NOL4: variants seen among roughly 807,000 people sequenced by gnomAD.
The protein encoded by NOL4 is cancer/testis antigen 125.
NOL4 carries 17 observed loss-of-function variants against 75.9 expected under a neutral mutation model. The ratio of observed to expected loss-of-function variants is 0.22; its 90% CI spans 0.15 to 0.34. NOL4 has a LOEUF of 0.34. Ranked by LOEUF, NOL4 falls within the 10% of genes least tolerant of loss-of-function variation. The probability of loss-of-function intolerance (pLI) is 1.00; values close to 1 mark genes in which losing one functional copy is unlikely to be tolerated. For synonymous variants in NOL4, 292 were observed against 289.9 expected, an observed-to-expected ratio of 1.01 and a Z score of -0.07; for missense variants, 614 against 793.5, an observed-to-expected ratio of 0.77 and a Z score of 2.72.
chr18:33,973,288 C>T (rs2071225166), intron 6 of NOL4, among the ~76,000 whole-genome samples: 2 of 152,230 alleles, frequency 1.3e-5, no homozygotes, highest in South Asian at 4.2e-4. Context: ...CATAAGATTG[C>T]AGCAATTCAG....
intron 5 of NOL4, among the ~76,000 whole-genome samples, chr18:34,037,040 C>CA (rs1393957907): frequency 6.6e-6 from 1 of 152,010 alleles, no homozygotes; most frequent in South Asian, 2.1e-4. Flanking sequence ...AAGATTCCAC[C>CA]AAAAAACTCT....
At chr18:34,172,869 T>C (rs1267271187) in intron 1 of NOL4, among the ~76,000 whole-genome samples, 1 of 152,102 alleles carries the variant, frequency 6.6e-6, no homozygotes, top group African/African-American at 2.4e-5. Context: ...TTGTTTAGAC[T>C]TTTTGCTGTT....
intron 6 of NOL4, among the ~76,000 whole-genome samples, chr18:34,016,949 C>T (rs566372529): frequency 6.6e-5 from 10 of 152,160 alleles, no homozygotes; most frequent in Non-Finnish European, 1.3e-4. Flanking sequence ...CATGTTCTTC[C>T]TCAATGCCAT....
In NOL4 at chr18:33,934,750, G is replaced by A. The variant is rs146006416; in HGVS notation, c.1542+8315C>T. Among the ~76,000 whole-genome samples, 490 of 152,150 alleles carry A rather than the reference G, an allele frequency of 3.2e-3. 5 individuals are homozygous for A. Among genetic ancestry groups the A allele is most frequent in the African/African-American group, 0.011 (462 of 41,520 alleles). ...GGATCTTGCTCTGGATTAGGATTTGGTGTAAGGGAATGTGGCTGGTTTGAT... is the reference window on the plus strand; with the variant it reads ...GGATCTTGCTCTGGATTAGGATTTGATGTAAGGGAATGTGGCTGGTTTGAT... On this transcript the variant is annotated intron_variant, in intron 9 of 10. Coordinates refer to ENST00000261592, the MANE Select transcript of NOL4 (RefSeq NM_003787.5).
At chr18:34,106,873 C>G (rs1215821346) in intron 2 of NOL4, among the ~76,000 whole-genome samples, 1 of 151,876 alleles carries the variant, frequency 6.6e-6, no homozygotes, top group Non-Finnish European at 1.5e-5. Context: ...ATGCTTCATC[C>G]TTATATTTTA....
chr18:33,942,502 T>C (rs995581011), intron 9 of NOL4, among the ~76,000 whole-genome samples: 3 of 151,806 alleles, frequency 2.0e-5, no homozygotes, highest in South Asian at 2.1e-4. Context: ...AAAAAAGATA[T>C]TGAAACATGA....
chr18:34,127,325 G>T (rs1218499318), intron 2 of NOL4, among the ~76,000 whole-genome samples: 1 of 151,788 alleles, frequency 6.6e-6, no homozygotes, highest in African/African-American at 2.4e-5. Flanking sequence ...ATGACCACTA[G>T]ATCTATTGAT....
chr18:34,134,826 C>CAAATATAAAG (rs1215979734), intron 1 of NOL4, among the ~76,000 whole-genome samples: 1 of 151,868 alleles, frequency 6.6e-6, no homozygotes, highest in African/African-American at 2.4e-5. Flanking sequence ...GGGAAAACTA[C>CAAATATAAAG]AAATATAAAG....
intron 5 of NOL4, among the ~76,000 whole-genome samples, chr18:34,088,269 T>A (rs902337729): frequency 2.0e-5 from 3 of 152,092 alleles, no homozygotes; most frequent in Non-Finnish European, 4.4e-5. Context: ...TTGCCAGATA[T>A]TTTTTAAAAA....
intron 5 of NOL4, among the ~76,000 whole-genome samples, chr18:34,060,408 T>G (rs1462519885): frequency 6.6e-6 from 1 of 152,106 alleles, no homozygotes; most frequent in Non-Finnish European, 1.5e-5. Flanking sequence ...ATCAACTGGC[T>G]TAACTTATTT....
chr18:34,047,671 A>G (rs1458283023), intron 5 of NOL4, among the ~76,000 whole-genome samples: 4 of 152,170 alleles, frequency 2.6e-5, no homozygotes, highest in African/African-American at 7.2e-5. Flanking sequence ...TCAAATATTT[A>G]AAATTCATAC....
intron 9 of NOL4, among the ~76,000 whole-genome samples, chr18:33,899,508 C>T (rs1488307378): frequency 6.6e-6 from 1 of 152,176 alleles, no homozygotes; most frequent in Non-Finnish European, 1.5e-5. Context: ...TCCTGGCCAG[C>T]TGGCCCCAGC....
At chr18:33,951,155 T>C (rs1469604084) in intron 8 of NOL4, among the ~76,000 whole-genome samples, 2 of 152,140 alleles carry the variant, frequency 1.3e-5, no homozygotes, top group African/African-American at 4.8e-5. Flanking sequence ...TCCTTTTGGA[T>C]TCAGTTTCCT....
At chr18:34,072,369 C>A (rs2077560986) in intron 5 of NOL4, among the ~76,000 whole-genome samples, 1 of 152,052 alleles carries the variant, frequency 6.6e-6, no homozygotes, top group African/African-American at 2.4e-5. Flanking sequence ...CAGGGACATC[C>A]CATAAAGACC....
At chr18:34,186,498 T>C (rs2034471442) in intron 1 of NOL4, among the ~76,000 whole-genome samples, 1 of 152,204 alleles carries the variant, frequency 6.6e-6, no homozygotes, top group Non-Finnish European at 1.5e-5. Flanking sequence ...TCAAACATTC[T>C]AGCTGTAAAA....
intron 2 of NOL4, among the ~76,000 whole-genome samples, chr18:34,112,313 G>A (rs1304875758): frequency 1.3e-5 from 2 of 151,806 alleles, no homozygotes; most frequent in Non-Finnish European, 2.9e-5. Context: ...AGTTTGAAGT[G>A]AGCCAAGATT....
intron 1 of NOL4, among the ~76,000 whole-genome samples, chr18:34,211,820 G>C (rs573679529): frequency 6.6e-6 from 1 of 151,930 alleles, no homozygotes; most frequent in South Asian, 2.1e-4. Flanking sequence ...AGAGAGGAGA[G>C]ACTAATTTAC....
chr18:33,976,895 C>A (rs917598985), intron 6 of NOL4, among the ~76,000 whole-genome samples: 3 of 152,024 alleles, frequency 2.0e-5, no homozygotes, highest in Non-Finnish European at 4.4e-5. Context: ...ATTTCACTGG[C>A]CTAGGCTTTA....
At chr18:33,968,964 A>T (rs1399072177) in intron 6 of NOL4, among the ~76,000 whole-genome samples, 1 of 152,196 alleles carries the variant, frequency 6.6e-6, no homozygotes, top group Non-Finnish European at 1.5e-5. Flanking sequence ...AATGTCTTTT[A>T]TTCTTGACAG....
Sources: allele counts gnomAD v4.1 joint callset (sites outside exome capture counted in the v4.1 genomes callset), GRCh38; gene constraint gnomAD v4.1.1; transcripts MANE v1.5; gene names NCBI Gene and HGNC (gene_info 2026-07-23, HGNC 2026-07-21).